ADGB: variants seen among roughly 807,000 people sequenced by gnomAD.
The protein encoded by ADGB is calpain-7-like protein.
Under a neutral mutation model 210.5 loss-of-function variants are expected in ADGB, and 172 were observed. That is an observed-to-expected ratio of 0.82 (90% CI 0.72 to 0.93). ADGB has a LOEUF of 0.93. Ranked by LOEUF, ADGB falls within the 40% of genes least tolerant of loss-of-function variation. The probability of loss-of-function intolerance (pLI) is 0.00; values close to 1 mark genes in which losing one functional copy is unlikely to be tolerated. For synonymous variants in ADGB, 658 were observed against 662.7 expected, an observed-to-expected ratio of 0.99 and a Z score of 0.11; for missense variants, 2,025 against 1,964.8, an observed-to-expected ratio of 1.03 and a Z score of -0.58.
At chr6:146,620,575 C>A (rs1457102934) in intron 1 of ADGB, among the ~76,000 whole-genome samples, 1 of 151,808 alleles carries the variant, frequency 6.6e-6, no homozygotes, top group Admixed American at 6.6e-5. Flanking sequence ...GTTGTTGAAG[C>A]TTTCTAATGA....
chr6:146,682,202 C>T (rs1452198288), intron 9 of ADGB, among the ~76,000 whole-genome samples: 2 of 151,918 alleles, frequency 1.3e-5, no homozygotes, highest in African/African-American at 2.4e-5. Flanking sequence ...TAGGTTCAGA[C>T]AGTAAATGTC....
Position 146,716,967 on chromosome 6 carries a change from C to T in ADGB, c.1826C>T (p.Thr609Ile). The change falls in exon 15 of 36, where the codon ACC (threonine) becomes ATC (isoleucine). Residue 609 changes from threonine to isoleucine, a missense_variant. By Grantham distance (89) the Thr-to-Ile change is moderately conservative. Transcript: ENST00000397944. ...LNLEREIVSQTTATQEKSQEE... is the reference protein window; with the variant it reads ...LNLEREIVSQITATQEKSQEE... ...TTGGAAAGAGAGATAGTCAGCCAGA[C>T]CACAGCAACACAGGAAAAGTCACAG... 1 of 1,551,508 alleles carries T rather than the reference C, an allele frequency of 6.4e-7. No individual in the cohort carries two copies. The highest frequency in any genetic ancestry group is 8.7e-7 in the Non-Finnish European group (1 of 1,146,920).
chr6:146,741,338 T>C, intron 25 of ADGB, 67 bp downstream of exon 25: 2 of 1,453,586 alleles, frequency 1.4e-6, no homozygotes, highest in Non-Finnish European at 1.9e-6. Context: ...TTGTAGAGGG[T>C]CCTGAAGGGA....
Position 146,782,107 on chromosome 6 carries a change from C to A in ADGB, c.3950C>A (p.Ser1317Tyr). The change falls in exon 30 of 36, where the codon TCC (serine) becomes TAC (tyrosine). Residue 1317 changes from serine to tyrosine, a missense_variant. Physicochemically the swap from Ser to Tyr is moderately radical, Grantham distance 144. Coordinates refer to ENST00000397944, the MANE Select transcript of ADGB (RefSeq NM_024694.4). Reference protein sequence around the residue: ...ISEGQKSSVTSKTTRKGKEKS... With the variant: ...ISEGQKSSVTYKTTRKGKEKS... The stretch of plus-strand genomic sequence containing the variant: ...GAGGGACAAAAATCTTCAGTAACTT[C>A]CAAAACAACAAGGAAAGGCAAAGAA... 2.6e-6 allele frequency: 4 copies of A among 1,548,122 alleles called. No individual in the cohort carries two copies. The highest frequency in any genetic ancestry group is 3.5e-6 in the Non-Finnish European group (4 of 1,145,592).
At chr6:146,769,157 T>G in intron 29 of ADGB, 26 bp downstream of exon 29, 1 of 1,153,482 alleles carries the variant, frequency 8.7e-7, no homozygotes. Context: ...TGTTTAAACA[T>G]GCACTTTACA....
chr6:146,740,313 C>A, intron 23 of ADGB, 146 bp from the exon 24 acceptor site: 1 of 713,970 alleles, frequency 1.4e-6, no homozygotes, highest in Non-Finnish European at 2.2e-6. Context: ...TCAGGGACTA[C>A]ACAGACCCCC....
chr6:146,710,698 A>C (rs946027574), intron 13 of ADGB, among the ~76,000 whole-genome samples: 1 of 152,142 alleles, frequency 6.6e-6, no homozygotes, highest in Non-Finnish European at 1.5e-5. Flanking sequence ...GAAATTTTAA[A>C]AAAAAAATTT....
chr6:146,651,694 G>A (rs1655265644), intron 3 of ADGB, among the ~76,000 whole-genome samples: 1 of 152,126 alleles, frequency 6.6e-6, no homozygotes, highest in Non-Finnish European at 1.5e-5. Flanking sequence ...TTAAGCAGGA[G>A]AATTCTGCAG....
chr6:146,707,647 T>C (rs1776592959), intron 13 of ADGB, among the ~76,000 whole-genome samples: 1 of 152,274 alleles, frequency 6.6e-6, no homozygotes, highest in Non-Finnish European at 1.5e-5. Flanking sequence ...GATATAAATA[T>C]AGCTATCCCT....
intron 30 of ADGB, among the ~76,000 whole-genome samples, chr6:146,784,326 G>C (rs1452125958): frequency 6.6e-6 from 1 of 152,100 alleles, no homozygotes; most frequent in Non-Finnish European, 1.5e-5. Flanking sequence ...TATAATATCT[G>C]TCTGTGGTGT....
At chr6:146,654,918 T>G (rs567047925) in intron 4 of ADGB, among the ~76,000 whole-genome samples, 45 of 152,274 alleles carry the variant, frequency 3.0e-4, no homozygotes, top group African/African-American at 9.9e-4. Context: ...ATAACTTATC[T>G]TTCAGAAGTA....
chr6:146,715,075 A>C (rs1246327754), intron 13 of ADGB, among the ~76,000 whole-genome samples: 1 of 152,174 alleles, frequency 6.6e-6, no homozygotes, highest in African/African-American at 2.4e-5. Context: ...TGTGCCAAGT[A>C]ATATGTCTAC....
At chr6:146,807,953 A>C (rs1354087032) in intron 35 of ADGB, 1 of 155,554 alleles carries the variant, frequency 6.4e-6, no homozygotes. Flanking sequence ...ATTTAGTCTT[A>C]AACTTTAAAA....
At chr6:146,749,224 A>G (rs760242887) in intron 26 of ADGB, among the ~76,000 whole-genome samples, 2 of 152,192 alleles carry the variant, frequency 1.3e-5, no homozygotes, top group Non-Finnish European at 2.9e-5. Flanking sequence ...GGCCATAGGA[A>G]GACAACTGAT....
At chr6:146,717,269 A>T (rs1776749799) in intron 15 of ADGB, among the ~76,000 whole-genome samples, 200 bp downstream of exon 15, 1 of 152,216 alleles carries the variant, frequency 6.6e-6, no homozygotes, top group Admixed American at 6.5e-5. Context: ...ATAAAATGGA[A>T]AATAAATATA....
intron 12 of ADGB, among the ~76,000 whole-genome samples, chr6:146,700,315 C>T (rs892610735): frequency 2.0e-5 from 3 of 152,080 alleles, no homozygotes; most frequent in South Asian, 2.1e-4. Context: ...AAATCAGAGA[C>T]GTTTAGTTAC....
chr6:146,757,950 AG>A lies in ADGB; in HGVS notation c.3550+5239del, dbSNP rs1468459119. On this transcript the variant is annotated intron_variant, in intron 27 of 35. Coordinates refer to ENST00000397944, the MANE Select transcript of ADGB (RefSeq NM_024694.4). ...AATACCACACTGGGATGATATAATTAGGGCACAAGTGCAGTGTTTAAGTCAC... is the reference window on the plus strand; with the variant it reads ...AATACCACACTGGGATGATATAATTAGGCACAAGTGCAGTGTTTAAGTCAC... Among the ~76,000 whole-genome samples the A allele has an allele frequency of 5.3e-5, 8 of 152,200 alleles. No individual in the cohort carries two copies. In the East Asian group the frequency reaches 1.4e-3, roughly 26 times the overall value.
chr6:146,675,908 C>A (rs972702772), intron 8 of ADGB, among the ~76,000 whole-genome samples: 2 of 152,028 alleles, frequency 1.3e-5, no homozygotes, highest in South Asian at 4.2e-4. Context: ...AGTGGAGGAC[C>A]CAAATAAGGA....
In ADGB at chr6:146,709,601, G is replaced by A. The variant is rs571911603; in HGVS notation, c.1708-5781G>A. Among the ~76,000 whole-genome samples the A allele has an allele frequency of 5.1e-4, 78 of 152,316 alleles. 1 individual carries two copies. Among genetic ancestry groups the A allele is most frequent in the Non-Finnish European group, 2.9e-4 (20 of 68,030 alleles). ...GCATAGACCTAGAGTACCAGCTTCTGCAAGGGTGGGCCTGGGGCCTCAGTT... is the reference window on the plus strand; with the variant it reads ...GCATAGACCTAGAGTACCAGCTTCTACAAGGGTGGGCCTGGGGCCTCAGTT... On this transcript the variant is annotated intron_variant, in intron 13 of 35. Coordinates refer to ENST00000397944, the MANE Select transcript of ADGB (RefSeq NM_024694.4).
Sources: gnomAD v4.1 joint callset for allele counts (sites outside exome capture counted in the v4.1 genomes callset) on GRCh38, gnomAD v4.1.1 for gene constraint, MANE v1.5 for transcripts, NCBI Gene and HGNC (gene_info 2026-07-23, HGNC 2026-07-21) for gene names.